CDCA2: variants seen among roughly 807,000 people sequenced by gnomAD.
The protein encoded by CDCA2 is cell division cycle associated 2, also known as cell division cycle-associated protein 2.
A neutral mutation model predicts 67.0 loss-of-function variants in CDCA2; 44 were observed. The ratio of observed to expected loss-of-function variants is 0.66; its 90% CI spans 0.52 to 0.84. CDCA2 has a LOEUF of 0.84. Ranked by LOEUF, CDCA2 falls within the 40% of genes least tolerant of loss-of-function variation. CDCA2 has a pLI of 0.00. For missense variants in CDCA2, 1,253 were observed against 1,203.2 expected (o/e 1.04, Z -0.61); for synonymous variants, 447 against 418.7 (o/e 1.07, Z -0.82).
In CDCA2 at chr8:25,507,338, G is replaced by A. The variant is rs201786275; in HGVS notation, c.2672G>A (p.Arg891Gln). 1.0e-4 allele frequency: 169 copies of A among 1,613,808 alleles called. 1 individual carries two copies. Among genetic ancestry groups the A allele is most frequent in the Middle Eastern group, 1.7e-4 (1 of 6,060 alleles). ...AGGAGAAATAGTGAAACCAAAGTGC[G>A]ACGTAGCACGAGGCTACAGAAGGAT... ...FQRRNSETKV[R>Q]RSTRLQKDLE... is the part of the protein sequence containing the mutation. Residue 891 changes from arginine (R) to glutamine (Q), a missense_variant, in exon 15 of 15, where the codon CGA becomes CAA. Coordinates refer to ENST00000330560, the MANE Select transcript of CDCA2 (RefSeq NM_152562.4).
At chr8:25,475,795 C>G (rs938532475) in intron 7 of CDCA2, among the ~76,000 whole-genome samples, 3 of 152,130 alleles carry the variant, frequency 2.0e-5, no homozygotes, top group African/African-American at 7.2e-5. Flanking sequence ...TGCAGGAAGC[C>G]ACCAGAATTC....
chr8:25,465,842 A>G (rs749444005), intron 4 of CDCA2, among the ~76,000 whole-genome samples: 11 of 152,314 alleles, frequency 7.2e-5, no homozygotes, highest in Admixed American at 3.3e-4. Context: ...ATGGCTTCCT[A>G]TGGATACATC....
At chr8:25,463,126 A>AT (rs565260638) in intron 4 of CDCA2, among the ~76,000 whole-genome samples, 134 of 151,942 alleles carry the variant, frequency 8.8e-4, no homozygotes, top group Non-Finnish European at 1.5e-3. Context: ...TAAGTTACTG[A>AT]TTTTTTCATG....
At chr8:25,490,057 C>T (rs182885153) in intron 13 of CDCA2, among the ~76,000 whole-genome samples, 135 of 152,238 alleles carry the variant, frequency 8.9e-4, no homozygotes, top group Non-Finnish European at 1.5e-3. Context: ...TCATTAAATC[C>T]GGAAGGAACT....
At chr8:25,479,244 C>G (rs533400859) in intron 7 of CDCA2, among the ~76,000 whole-genome samples, 2 of 152,252 alleles carry the variant, frequency 1.3e-5, no homozygotes, top group East Asian at 1.9e-4. Context: ...CTCTTTCCCT[C>G]TCCCTCCTCC....
At chr8:25,502,186 C>T (rs189154831) in intron 13 of CDCA2, among the ~76,000 whole-genome samples, 270 of 152,240 alleles carry the variant, frequency 1.8e-3, no homozygotes, top group African/African-American at 3.1e-3. Flanking sequence ...TAAGCCACCA[C>T]GCCTGGCCTG....
chr8:25,503,252 C>A, intron 13 of CDCA2, 121 bp from the exon 14 acceptor site: 1 of 742,292 alleles, frequency 1.3e-6, no homozygotes, highest in South Asian at 1.8e-5. Context: ...CACTGCACTC[C>A]AGCCTGGATG....
At chr8:25,461,078 A>G (rs981267336) in intron 3 of CDCA2, among the ~76,000 whole-genome samples, 1 of 151,686 alleles carries the variant, frequency 6.6e-6, no homozygotes, top group African/African-American at 2.4e-5. Flanking sequence ...GACCAGCCTG[A>G]CCAACATAGA....
At chr8:25,486,454 C>CT (rs1785661679) in intron 11 of CDCA2, among the ~76,000 whole-genome samples, 2 of 152,266 alleles carry the variant, frequency 1.3e-5, no homozygotes, top group African/African-American at 4.8e-5. Flanking sequence ...GAATCACAGT[C>CT]TATCACATTC....
In CDCA2 at chr8:25,466,165, A is replaced by G. The variant is rs899095323; in HGVS notation, c.388-10A>G. ...TTATAATACTCCTTGTATATTTTGCACTTTCACAGGGCAGCCCTGCACTGT... is the reference window on the plus strand; with the variant it reads ...TTATAATACTCCTTGTATATTTTGCGCTTTCACAGGGCAGCCCTGCACTGT... On this transcript the variant is annotated splice_polypyrimidine_tract_variant and intron_variant, in intron 4 of 14. Transcript: ENST00000330560. 1.3e-6 allele frequency: 2 copies of G among 1,588,102 alleles called. No homozygotes were observed. The highest frequency in any genetic ancestry group is 8.5e-7 in the Non-Finnish European group (1 of 1,173,344).
At chr8:25,470,753 G>T in intron 7 of CDCA2, among the ~76,000 whole-genome samples, 1 of 146,830 alleles carries the variant, frequency 6.8e-6, no homozygotes, top group African/African-American at 2.6e-5. Context: ...ACAGCTGTAT[G>T]TGCTTTGTTT....
chr8:25,494,610 CTG>C (rs1200173927), intron 13 of CDCA2, among the ~76,000 whole-genome samples: 2 of 152,058 alleles, frequency 1.3e-5, no homozygotes, highest in Non-Finnish European at 2.9e-5. Flanking sequence ...TGAGGGATGA[CTG>C]TGTTTACTGT....
chr8:25,468,164 A>T, intron 5 of CDCA2, 53 bp from the exon 6 acceptor site: 3 of 707,296 alleles, frequency 4.2e-6, no homozygotes, highest in Non-Finnish European at 4.1e-6. Context: ...TATATATAAT[A>T]TATATGAAAA....
chr8:25,481,233 CAAAAAAA>C (rs11438950), intron 8 of CDCA2, among the ~76,000 whole-genome samples: 5 of 128,758 alleles, frequency 3.9e-5, no homozygotes, highest in Non-Finnish European at 8.0e-5. Flanking sequence ...CAGTCTGGGA[CAAAAAAA>C]AAAAAAAAAA....
chr8:25,462,258 G>C (rs1270203778), intron 4 of CDCA2, 50 bp downstream of exon 4: 1 of 1,584,178 alleles, frequency 6.3e-7, no homozygotes, highest in African/African-American at 1.3e-5. Flanking sequence ...TGAAGCTTTT[G>C]TGCTTTCTTT....
Position 25,507,210 on chromosome 8 carries a change from A to G in CDCA2, c.2544A>G (p.Gly848=). The change falls in exon 15 of 15, where the codon GGA becomes GGG. Residue 848 remains glycine, a synonymous_variant. Coordinates refer to ENST00000330560, the MANE Select transcript of CDCA2 (RefSeq NM_152562.4). Reference sequence around the variant, plus strand: ...GAAGTTTACATTTGGAAAAAAATGGAAATCACACACCATCCTCCAGTGTGG... The same window carrying G: ...GAAGTTTACATTTGGAAAAAAATGGGAATCACACACCATCCTCCAGTGTGG... ...DGRSLHLEKN[G]NHTPSSSVGS... The G allele has an allele frequency of 6.2e-7, 1 of 1,614,202 alleles. No homozygotes were observed. The highest frequency in any genetic ancestry group is 8.5e-7 in the Non-Finnish European group (1 of 1,180,036).
chr8:25,491,456 TA>T (rs1804000077), intron 13 of CDCA2, among the ~76,000 whole-genome samples: 2 of 151,998 alleles, frequency 1.3e-5, no homozygotes, highest in African/African-American at 4.8e-5. Flanking sequence ...TACAGAGAAA[TA>T]AGAACCAGAG....
At chr8:25,468,470 G>GT (rs1379266072) in intron 6 of CDCA2, 57 bp downstream of exon 6, 3 of 1,424,112 alleles carry the variant, frequency 2.1e-6, no homozygotes, top group Non-Finnish European at 2.9e-6. Flanking sequence ...TGCATAGGCA[G>GT]TTTTAAGGCT....
chr8:25,463,428 A>T (rs1208185632), intron 4 of CDCA2, among the ~76,000 whole-genome samples: 1 of 152,152 alleles, frequency 6.6e-6, no homozygotes, highest in African/African-American at 2.4e-5. Flanking sequence ...TTGCTCATGC[A>T]TTTGTGGTGA....
Sources: gnomAD v4.1 joint callset for allele counts (sites outside exome capture counted in the v4.1 genomes callset) on GRCh38, gnomAD v4.1.1 for gene constraint, MANE v1.5 for transcripts, NCBI Gene and HGNC (gene_info 2026-07-23, HGNC 2026-07-21) for gene names.